KAZN: variants seen among roughly 807,000 people sequenced by gnomAD.
The protein encoded by KAZN is kazrin.
Under a neutral mutation model 87.4 loss-of-function variants are expected in KAZN, and 40 were observed. The ratio of observed to expected loss-of-function variants is 0.46; its 90% CI spans 0.36 to 0.60. KAZN has a LOEUF of 0.60. KAZN is among the 20% of genes least tolerant of loss of function. The pLI, the probability that KAZN is intolerant of heterozygous loss-of-function variation, is 0.00. For synonymous variants in KAZN, 466 were observed against 458.3 expected (o/e 1.02, Z -0.22); for missense variants, 898 against 1,073.9 (o/e 0.84, Z 2.29).
intron 1 of KAZN, among the ~76,000 whole-genome samples, chr1:14,763,174 A>G (rs572794087): frequency 1.3e-5 from 2 of 152,356 alleles, no homozygotes; most frequent in Admixed American, 6.5e-5. Flanking sequence ...AAGAGCTGCC[A>G]TTAGGAATGG....
At chr1:14,419,564 T>A (rs1013358680) in intron 2 of KAZN, among the ~76,000 whole-genome samples, 4 of 152,224 alleles carry the variant, frequency 2.6e-5, no homozygotes, top group African/African-American at 9.6e-5. Flanking sequence ...CTCACTGACT[T>A]CAAGAACGAA....
Position 14,135,013 on chromosome 1 carries a change from A to ACACACACACACACACACG in KAZN, c.92-45422_92-45421insCACACACACACACACACG, listed in dbSNP as rs773956027. ...CACACACACACACACATGTGCACAC[A>ACACACACACACACACACG]TGCACACATACACTCACACATTCAC... On this transcript the variant is annotated intron_variant, in intron 1 of 16. Transcript: ENST00000636203. Among the ~76,000 whole-genome samples the ACACACACACACACACACG allele has an allele frequency of 7.8e-5, 6 of 77,156 alleles. No individual in the cohort carries two copies. In the South Asian group the frequency reaches 3.2e-3, roughly 41 times the overall value. The allele number at this position is 77,156 out of a possible 152,430, so 50.6% of individuals were successfully genotyped here. A position where few individuals can be genotyped will look rare whatever the true frequency, so the allele number is the denominator to read the frequency against.
intron 13 of KAZN, among the ~76,000 whole-genome samples, chr1:15,109,954 T>TA (rs1296509556): frequency 5.5e-4 from 82 of 150,118 alleles, no homozygotes; most frequent in African/African-American, 2.0e-3. Context: ...TGTGTATGTG[T>TA]TTGTATATGT....
chr1:14,251,581 A>G (rs755335349), intron 2 of KAZN, among the ~76,000 whole-genome samples: 3 of 151,264 alleles, frequency 2.0e-5, no homozygotes, highest in African/African-American at 7.3e-5. Flanking sequence ...ATGTCTCAGA[A>G]GATCAAGTTG....
At chr1:14,910,980 T>G (rs1038844066) in intron 1 of KAZN, among the ~76,000 whole-genome samples, 2 of 152,178 alleles carry the variant, frequency 1.3e-5, no homozygotes, top group African/African-American at 4.8e-5. Context: ...TAGACCAAGC[T>G]TCCATCCCGG....
intron 2 of KAZN, among the ~76,000 whole-genome samples, chr1:14,517,161 G>A (rs1459816466): frequency 5.9e-5 from 9 of 151,982 alleles, no homozygotes; most frequent in East Asian, 1.9e-4. Context: ...AGAGATGACC[G>A]TGTGACCCAT....
chr1:14,890,045 T>C (rs1557593081), intron 1 of KAZN, among the ~76,000 whole-genome samples: 1 of 152,154 alleles, frequency 6.6e-6, no homozygotes, highest in Non-Finnish European at 1.5e-5. Flanking sequence ...CAGGAAGAGT[T>C]AGGGAGAAGC....
chr1:14,376,432 G>A (rs1660924718), intron 2 of KAZN, among the ~76,000 whole-genome samples: 1 of 151,966 alleles, frequency 6.6e-6, no homozygotes, highest in Non-Finnish European at 1.5e-5. Flanking sequence ...TGTGGGAGTG[G>A]GTTCCTGATA....
At chr1:14,147,237 C>T (rs773247280) in intron 1 of KAZN, among the ~76,000 whole-genome samples, 3 of 152,050 alleles carry the variant, frequency 2.0e-5, no homozygotes, top group East Asian at 3.9e-4. Context: ...TCCATGTATT[C>T]GAAACAATTC....
Position 15,060,199 on chromosome 1 carries a change from G to A in KAZN, c.944G>A (p.Arg315Gln), listed in dbSNP as rs771421989. 1.1e-5 allele frequency: 18 copies of A among 1,614,086 alleles called. No individual in the cohort carries two copies. The highest frequency in any genetic ancestry group is 3.3e-4 in the Middle Eastern group (2 of 6,084). Residue 315 changes from arginine (R) to glutamine (Q), a missense_variant, in exon 6 of 15, where the codon CGG (arginine) becomes CAG (glutamine). Transcript: ENST00000376030. Reference protein sequence around the residue: ...QAVRVSPCHSRQPSVISDASA... With the variant: ...QAVRVSPCHSQQPSVISDASA... ...GTCAGGGTGAGCCCCTGCCACTCCCGGCAGCCCTCTGTCATCTCCGACGCA... is the reference window on the plus strand; with the variant it reads ...GTCAGGGTGAGCCCCTGCCACTCCCAGCAGCCCTCTGTCATCTCCGACGCA...
intron 2 of KAZN, among the ~76,000 whole-genome samples, chr1:14,296,472 C>T (rs74057161): frequency 0.041 from 6,255 of 152,138 alleles, 449 homozygotes; most frequent in African/African-American, 0.14. Flanking sequence ...CACACTGTGA[C>T]GAGCTCAGTT....
At chr1:14,652,480 C>CATCCATCT (rs1354577997) in intron 1 of KAZN, among the ~76,000 whole-genome samples, 91 of 69,068 alleles carry the variant, frequency 1.3e-3, no homozygotes, top group African/African-American at 4.4e-3. Context: ...CCCACCCACC[C>CATCCATCT]GCCCATCCAC....
At chr1:13,941,270 G>C (rs1317117558) in intron 1 of KAZN, among the ~76,000 whole-genome samples, 1 of 151,712 alleles carries the variant, frequency 6.6e-6, no homozygotes, top group Non-Finnish European at 1.5e-5. Flanking sequence ...CTACTACATA[G>C]GAAATATTGG....
chr1:15,110,050 T>C (rs1641467141), intron 13 of KAZN, among the ~76,000 whole-genome samples: 1 of 119,536 alleles, frequency 8.4e-6, no homozygotes, highest in South Asian at 3.4e-4. Flanking sequence ...TGTATATATA[T>C]ATGTGCGTGT....
rs184964064 is a variant in KAZN, at chr1:14,328,632, C to T, written c.249+148040C>T. Among the ~76,000 whole-genome samples, 392 of 150,774 alleles carry T rather than the reference C, an allele frequency of 2.6e-3. 2 individuals are homozygous for T. Among genetic ancestry groups the T allele is most frequent in the African/African-American group, 9.2e-3 (379 of 41,134 alleles). ...GCAGGAGAATGGTGTGAACCCGAGA[C>T]GTGGAGCTTGTAGTGAGCCGAGATT... On this transcript the variant is annotated intron_variant, in intron 2 of 16. Transcript: ENST00000636203.
intron 1 of KAZN, among the ~76,000 whole-genome samples, chr1:14,624,680 T>G (rs1239004408): frequency 6.6e-6 from 1 of 152,210 alleles, no homozygotes; most frequent in East Asian, 1.9e-4. Context: ...TGAAGAGAGT[T>G]CATTCATTTG....
intron 1 of KAZN, among the ~76,000 whole-genome samples, chr1:14,001,734 A>T (rs1289784146): frequency 6.6e-6 from 1 of 152,230 alleles, no homozygotes; most frequent in African/African-American, 2.4e-5. Context: ...GACAAACCTG[A>T]TAAAAAGCAA....
At position 13,909,356 on chromosome 1, in the gene KAZN, G is replaced by A. The variant is rs185994582; in HGVS notation, c.91+15600G>A. Among the ~76,000 whole-genome samples, 99 of 152,268 alleles carry A rather than the reference G, an allele frequency of 6.5e-4. 2 individuals carry two copies. In the East Asian group the frequency reaches 0.019, roughly 29 times the overall value. ...TAAAAGAAAAAGTCTGTAAACCTAC[G>A]AAAGGCTGTGTTTTTTCAGGGGCAA... On this transcript the variant is annotated intron_variant, in intron 1 of 16. Coordinates refer to the KAZN transcript ENST00000636203.
chr1:13,992,750 T>C (rs35253344), intron 1 of KAZN, among the ~76,000 whole-genome samples: 1 of 151,894 alleles, frequency 6.6e-6, no homozygotes, highest in African/African-American at 2.4e-5. Context: ...TGCCTTCTCA[T>C]TGGGGGTGGA....
Sources: allele counts gnomAD v4.1 joint callset (sites outside exome capture counted in the v4.1 genomes callset), GRCh38; gene constraint gnomAD v4.1.1; transcripts MANE v1.5; gene names NCBI Gene and HGNC (gene_info 2026-07-23, HGNC 2026-07-21).